Variants in CD244 observed in about 807,000 individuals in gnomAD.
The protein encoded by CD244 is CD244 molecule.
A neutral mutation model predicts 45.5 loss-of-function variants in CD244; 20 were observed. The ratio of observed to expected loss-of-function variants is 0.44; its 90% CI spans 0.31 to 0.64. The LOEUF (loss-of-function observed/expected upper bound fraction) is 0.64, where lower values mean the gene tolerates loss of function less well. Among genes scored for constraint, CD244 ranks in the 30% least tolerant of loss-of-function variants. The pLI is 0.08. For missense variants in CD244, 407 were observed against 426.9 expected (o/e 0.95, Z 0.41); for synonymous variants, 185 against 160.5 (o/e 1.15, Z -1.15).
intron 1 of CD244, among the ~76,000 whole-genome samples, chr1:160,845,288 G>A (rs926873779): frequency 1.3e-5 from 2 of 152,120 alleles, no homozygotes; most frequent in African/African-American, 4.8e-5. Context: ...CCATTTAGAT[G>A]CCATTGAAAA....
intron 7 of CD244, among the ~76,000 whole-genome samples, chr1:160,833,640 C>G (rs755879628): frequency 1.3e-5 from 2 of 152,180 alleles, no homozygotes; most frequent in Non-Finnish European, 2.9e-5. Flanking sequence ...GATTGTGTCT[C>G]TCTAGATCCA....
At chr1:160,842,052 T>C (rs1035587526) in intron 1 of CD244, 151 bp from the exon 2 acceptor site, 4 of 623,202 alleles carry the variant, frequency 6.4e-6, no homozygotes, top group Middle Eastern at 4.3e-4. Context: ...ATCCCCTCCA[T>C]CTGCCTCCCC....
chr1:160,849,784 G>T (rs1373000413), intron 1 of CD244, among the ~76,000 whole-genome samples: 3 of 152,142 alleles, frequency 2.0e-5, no homozygotes, highest in Non-Finnish European at 4.4e-5. Flanking sequence ...CCAGCACTTT[G>T]GGCAGCTCAC....
chr1:160,841,827 T>C lies in CD244; in HGVS notation c.136A>G (p.Thr46Ala), dbSNP rs149656761. 4 of 1,614,116 alleles carry C rather than the reference T, an allele frequency of 2.5e-6. No homozygotes were observed. In the African/African-American group the frequency reaches 4.0e-5, roughly 16 times the overall value. The change falls in exon 2 of 9, where the codon ACG (threonine) becomes GCG (alanine). Residue 46 changes from threonine (T) to alanine (A), a missense_variant. Thr to Ala is a moderately conservative substitution (Grantham distance 58). Coordinates refer to ENST00000368034, the MANE Select transcript of CD244 (RefSeq NM_016382.4). ...TTCCATGCAATGCTGTCAACCTTCG[T>C]CTGTATGCTGTTTGGTTGTAACTGA... ...PLQLQPNSIQ[T>A]KVDSIAWKKL...
intron 1 of CD244, among the ~76,000 whole-genome samples, chr1:160,843,352 TAAG>T (rs1669614143): frequency 6.6e-6 from 1 of 152,204 alleles, no homozygotes. Flanking sequence ...GCACTATTTA[TAAG>T]AACAAGTCAA....
intron 7 of CD244, among the ~76,000 whole-genome samples, chr1:160,833,792 C>G (rs897221368): frequency 6.6e-6 from 1 of 152,214 alleles, no homozygotes; most frequent in African/African-American, 2.4e-5. Context: ...TGTCCTTTAC[C>G]TCCCACAGAA....
chr1:160,844,503 C>T (rs1669661316), intron 1 of CD244, among the ~76,000 whole-genome samples: 2 of 152,136 alleles, frequency 1.3e-5, no homozygotes, highest in East Asian at 1.9e-4. Context: ...CATGATGAAA[C>T]GCAGCAAAAA....
chr1:160,831,424 C>T lies in CD244; in HGVS notation c.1021G>A (p.Gly341Arg), dbSNP rs199705338. The T allele has an allele frequency of 6.2e-7, 1 of 1,612,860 alleles. No individual in the cohort carries two copies. Among genetic ancestry groups the T allele is most frequent in the Non-Finnish European group, 8.5e-7 (1 of 1,178,960 alleles). ...SFNSTIYEVI[G>R]KSQPKAQNPA... ...TTCTGGGCTTTAGGTTGACTCTTTC[C>T]AATCTGCAAAAGAAAAGGAGAAACT... The change falls in exon 9 of 9, where the codon GGA (glycine) becomes AGA (arginine). Residue 341 changes from glycine (G) to arginine (R), a missense_variant. Transcript: ENST00000368034.
chr1:160,848,511 T>C, intron 1 of CD244: 1 of 472,366 alleles, frequency 2.1e-6, no homozygotes, highest in Non-Finnish European at 4.1e-6. Context: ...TAATCTGATA[T>C]AAATCAAAAG....
intron 1 of CD244, among the ~76,000 whole-genome samples, chr1:160,849,694 A>G (rs906159984): frequency 1.3e-5 from 2 of 152,232 alleles, no homozygotes; most frequent in African/African-American, 4.8e-5. Flanking sequence ...CTAGTTCAAC[A>G]AAACAAGGAA....
intron 8 of CD244, 107 bp from the exon 9 acceptor site, chr1:160,831,534 C>T (rs892345247): frequency 2.1e-5 from 17 of 800,576 alleles, no homozygotes; most frequent in Non-Finnish European, 3.1e-5. Context: ...AAAAATGAAG[C>T]TCAGAGTGAC....
Position 160,838,473 on chromosome 1 carries a change from T to C in CD244, c.812A>G (p.Asp271Gly). The C allele has an allele frequency of 1.2e-6, 2 of 1,613,746 alleles. No individual in the cohort carries two copies. The highest frequency in any genetic ancestry group is 2.2e-5 in the South Asian group (2 of 91,072). Residue 271 changes from aspartate (D) to glycine (G), a missense_variant, in exon 5 of 9, where the codon GAT becomes GGT. Coordinates refer to ENST00000368034, the MANE Select transcript of CD244 (RefSeq NM_016382.4). ...TACGTGATTTCTCCTGGTTTTCAGA[T>C]CCTTGACATCTTCGTAAATTGTCAA... The part of the protein sequence containing the change: ...EFLTIYEDVK[D>G]LKTRRNHEQE...
chr1:160,831,323 G>A lies in CD244; in HGVS notation c.*24C>T, dbSNP rs1669105323. On this transcript the variant is annotated 3_prime_UTR_variant, in exon 9 of 9. Coordinates refer to ENST00000368034, the MANE Select transcript of CD244 (RefSeq NM_016382.4). The stretch of plus-strand genomic sequence containing the variant: ...TCCCAAAGCAGATGCTGATGTGCAA[G>A]AAAGGTGAGAATTGCTGCAGCAACT... 1.3e-6 allele frequency: 2 copies of A among 1,593,486 alleles called. No homozygotes were observed. Among genetic ancestry groups the A allele is most frequent in the Admixed American group, 3.3e-5 (2 of 59,964 alleles).
At chr1:160,843,124 C>A (rs1669606216) in intron 1 of CD244, among the ~76,000 whole-genome samples, 1 of 152,184 alleles carries the variant, frequency 6.6e-6, no homozygotes, top group Non-Finnish European at 1.5e-5. Context: ...TTCACCCTGG[C>A]ATTTTCTCAA....
intron 4 of CD244, 63 bp from the exon 5 acceptor site, chr1:160,838,581 ACAGGTCC>A (rs1372845164): frequency 2.8e-5 from 32 of 1,152,414 alleles, no homozygotes; most frequent in Non-Finnish European, 4.1e-5. Flanking sequence ...TTTGCTTCTA[ACAGGTCC>A]CACCTCTACC....
chr1:160,857,183 C>A (rs936982770), intron 1 of CD244, among the ~76,000 whole-genome samples: 1 of 152,168 alleles, frequency 6.6e-6, no homozygotes, highest in Non-Finnish European at 1.5e-5. Context: ...CCTTCAGAAC[C>A]AAAAGCCAGT....
At chr1:160,834,156 T>A in intron 6 of CD244, 40 bp from the exon 7 acceptor site, 1 of 1,372,494 alleles carries the variant, frequency 7.3e-7, no homozygotes, top group Admixed American at 1.7e-5. Flanking sequence ...GAAGCACAGA[T>A]CCAGCACAAT....
Position 160,831,066 on chromosome 1 carries a change from C to T in CD244, c.*281G>A, listed in dbSNP as rs1669097438. ...GATGCTAATAACATCACTTACATAA[C>T]ACTTTCTAGATTACAAATACTTGGA... On this transcript the variant is annotated 3_prime_UTR_variant, in exon 9 of 9. Coordinates refer to ENST00000368034, the MANE Select transcript of CD244 (RefSeq NM_016382.4). 1 of 308,306 alleles carries T rather than the reference C, an allele frequency of 3.2e-6. No individual in the cohort carries two copies. The allele number at this position is 308,306 out of a possible 1,614,324, so 19.1% of individuals were successfully genotyped here.
In CD244 at chr1:160,841,489, G is replaced by A. The variant is rs1669540060; in HGVS notation, c.380-4C>T. On this transcript the variant is annotated splice_polypyrimidine_tract_variant and splice_region_variant and intron_variant, in intron 2 of 8. Transcript: ENST00000368034. ...AGGCGGGGTTTCTCAACTTTATCTG[G>A]AAGCAGAGATTCTGATCAGAAAGGC... is the stretch of plus-strand genomic sequence containing the variant. 1 of 1,613,934 alleles carries A rather than the reference G, an allele frequency of 6.2e-7. No homozygotes were observed. The highest frequency in any genetic ancestry group is 2.2e-5 in the East Asian group (1 of 44,884).
Sources: allele counts gnomAD v4.1 joint callset (sites outside exome capture counted in the v4.1 genomes callset), GRCh38; gene constraint gnomAD v4.1.1; transcripts MANE v1.5; gene names NCBI Gene and HGNC (gene_info 2026-07-23, HGNC 2026-07-21).